Variants in STX12 observed in about 807,000 individuals in gnomAD.
STX12 encodes the protein syntaxin-12.
Under a neutral mutation model 42.2 loss-of-function variants are expected in STX12, and 17 were observed. That is an observed-to-expected ratio of 0.40 (90% CI 0.28 to 0.60). The LOEUF (loss-of-function observed/expected upper bound fraction) is 0.60, where lower values mean the gene tolerates loss of function less well. STX12 is among the 20% of genes least tolerant of loss of function. The probability of loss-of-function intolerance (pLI) is 0.39; values close to 1 mark genes in which losing one functional copy is unlikely to be tolerated. For synonymous variants in STX12, 108 were observed against 116.7 expected (o/e 0.93, Z 0.48); for missense variants, 297 against 330.9 (o/e 0.90, Z 0.79).
chr1:27,779,742 G>A (rs1174724886), intron 1 of STX12, among the ~76,000 whole-genome samples: 1 of 151,002 alleles, frequency 6.6e-6, no homozygotes, highest in Non-Finnish European at 1.5e-5. Flanking sequence ...TTTTCTTTAT[G>A]TTTCTCAACT....
At chr1:27,813,675 C>T (rs951545150) in intron 6 of STX12, among the ~76,000 whole-genome samples, 5 of 152,264 alleles carry the variant, frequency 3.3e-5, no homozygotes, top group African/African-American at 1.2e-4. Context: ...CCCCAGCTCT[C>T]ATCCACCACT....
chr1:27,800,498 T>C (rs1366866643), intron 3 of STX12, among the ~76,000 whole-genome samples: 3 of 128,918 alleles, frequency 2.3e-5, no homozygotes, highest in African/African-American at 7.4e-5. Context: ...GGTGTGTGTG[T>C]GTGTGTGTGT....
chr1:27,793,570 G>C lies in STX12; in HGVS notation c.226G>C (p.Glu76Gln). The C allele has an allele frequency of 1.2e-6, 2 of 1,614,096 alleles. No homozygotes were observed. The highest frequency in any genetic ancestry group is 2.2e-5 in the South Asian group (2 of 91,078). Residue 76 changes from glutamate to glutamine, a missense_variant, in exon 3 of 9, where the codon GAA (glutamate) becomes CAA (glutamine). Physicochemically the swap from Glu to Gln is conservative, Grantham distance 29. Coordinates refer to ENST00000373943, the MANE Select transcript of STX12 (RefSeq NM_177424.3). The part of the protein sequence containing the change: ...LQHSTNQLAK[E>Q]TNELLKELGS... ...ACACTCCACAAATCAGCTCGCCAAG[G>C]AAACAAATGAATTGCTGAAAGAATT...
At chr1:27,798,577 G>A (rs563659207) in intron 3 of STX12, among the ~76,000 whole-genome samples, 7 of 150,482 alleles carry the variant, frequency 4.7e-5, no homozygotes, top group Non-Finnish European at 8.9e-5. Context: ...CCCAGGAGGC[G>A]GAGGTTGCAG....
At chr1:27,796,419 TC>T (rs2088786078) in intron 3 of STX12, among the ~76,000 whole-genome samples, 1 of 152,178 alleles carries the variant, frequency 6.6e-6, no homozygotes, top group Non-Finnish European at 1.5e-5. Flanking sequence ...CACTCAGTTA[TC>T]CGGGCTGAGG....
intron 1 of STX12, among the ~76,000 whole-genome samples, chr1:27,775,749 C>CT (rs2088624587): frequency 6.6e-6 from 1 of 152,074 alleles, no homozygotes; most frequent in Non-Finnish European, 1.5e-5. Flanking sequence ...ATTGAGAAGG[C>CT]ATTATGGCAT....
At chr1:27,810,393 G>A in intron 5 of STX12, 104 bp downstream of exon 5, 1 of 1,056,900 alleles carries the variant, frequency 9.5e-7, no homozygotes, top group Non-Finnish European at 1.4e-6. Context: ...CAAAAATAAG[G>A]GGGCACCTGG....
At chr1:27,821,534 A>AT (rs1200766353) in intron 8 of STX12, among the ~76,000 whole-genome samples, 10 of 150,404 alleles carry the variant, frequency 6.6e-5, no homozygotes, top group East Asian at 3.9e-4. Context: ...TCTATGGGTG[A>AT]TTTTTTTTTC....
At chr1:27,815,547 CCT>C (rs1200561040) in intron 6 of STX12, among the ~76,000 whole-genome samples, 41 of 152,154 alleles carry the variant, frequency 2.7e-4, no homozygotes, top group Admixed American at 5.9e-4. Context: ...TCAGCCATTT[CCT>C]ATATAGTACT....
rs1400748165 is a variant in STX12, at chr1:27,812,036, T to C, written c.471-127T>C. 9.1e-6 allele frequency: 7 copies of C among 773,394 alleles called. No individual in the cohort carries two copies. The East Asian group carries it at 1.4e-4, about 15-fold the overall frequency. 47.9% of individuals were successfully genotyped at this position (773,394 alleles called of 1,614,324 possible). ...AAGAATGTGGCCCTCCAAGACTTTATTGATAGCAGAGGACTGGAGCCCTGG... is the reference window on the plus strand; with the variant it reads ...AAGAATGTGGCCCTCCAAGACTTTACTGATAGCAGAGGACTGGAGCCCTGG... On this transcript the variant is annotated intron_variant, in intron 5 of 8. Transcript: ENST00000373943.
In STX12 at chr1:27,789,572, A is replaced by G. The variant is rs1172412904; in HGVS notation, c.129A>G (p.Ile43Met). 2 of 1,613,432 alleles carry G rather than the reference A, an allele frequency of 1.2e-6. No homozygotes were observed. Among genetic ancestry groups the G allele is most frequent in the Non-Finnish European group, 1.7e-6 (2 of 1,179,656 alleles). The change falls in exon 2 of 9, where the codon ATA becomes ATG. Residue 43 changes from isoleucine (I) to methionine (M), a missense_variant. By Grantham distance (10) the Ile-to-Met change is conservative. Transcript: ENST00000373943. Reference protein sequence around the residue: ...IQRISQATAQIKNLMSQLGTK... With the variant: ...IQRISQATAQMKNLMSQLGTK... ...TTCCTATCTCCCCAGCTGCTCAGAT[A>G]AAGAATTTGATGAGCCAGCTAGGAA...
intron 1 of STX12, among the ~76,000 whole-genome samples, chr1:27,786,917 CAT>C (rs760405456): frequency 1.1e-4 from 16 of 152,248 alleles, no homozygotes; most frequent in Non-Finnish European, 2.1e-4. Context: ...GGACATACCA[CAT>C]GTTAGTGATG....
At chr1:27,803,828 C>T (rs2088841645) in intron 4 of STX12, among the ~76,000 whole-genome samples, 1 of 151,842 alleles carries the variant, frequency 6.6e-6, no homozygotes, top group Admixed American at 6.6e-5. Flanking sequence ...ATGGTGAAAC[C>T]CTGTCTCTAC....
chr1:27,801,134 C>CA (rs1273476021), intron 3 of STX12, among the ~76,000 whole-genome samples: 1 of 152,206 alleles, frequency 6.6e-6, no homozygotes, highest in Non-Finnish European at 1.5e-5. Flanking sequence ...CACAGTGACT[C>CA]ACGCCTGTAA....
intron 2 of STX12, among the ~76,000 whole-genome samples, chr1:27,793,070 G>T (rs1045067056): frequency 1.3e-5 from 2 of 152,204 alleles, no homozygotes; most frequent in African/African-American, 2.4e-5. Flanking sequence ...TTTGGAGGTT[G>T]TTCCCTAGGG....
At chr1:27,811,325 C>G (rs1402022751) in intron 5 of STX12, among the ~76,000 whole-genome samples, 2 of 117,150 alleles carry the variant, frequency 1.7e-5, no homozygotes, top group African/African-American at 6.8e-5. Flanking sequence ...AAAAAAAAAG[C>G]CAGGCATGGT....
rs940483401 is a variant in STX12, at chr1:27,789,138, A to T, written c.119-424A>T. Among the ~76,000 whole-genome samples the T allele has an allele frequency of 4.6e-5, 7 of 152,230 alleles. No homozygotes were observed. In the East Asian group the frequency reaches 1.3e-3, roughly 29 times the overall value. ...CACTTAGAGGTGCTCAATTGGTGGT[A>T]ACCCATTATTAGTAATAAGTATACA... On this transcript the variant is annotated intron_variant, in intron 1 of 8. Transcript: ENST00000373943.
intron 3 of STX12, 48 bp downstream of exon 3, chr1:27,793,680 G>A: frequency 6.6e-7 from 1 of 1,504,252 alleles, no homozygotes; most frequent in Non-Finnish European, 9.2e-7. Context: ...CTTTGTGTTA[G>A]TAGAAAGGCA....
intron 1 of STX12, 50 bp from the exon 2 acceptor site, chr1:27,789,512 G>A: frequency 7.0e-7 from 1 of 1,426,770 alleles, no homozygotes; most frequent in Non-Finnish European, 9.7e-7. Flanking sequence ...GGGTACTCAT[G>A]ATGAATGTAT....
Sources: gnomAD v4.1 joint callset for allele counts (sites outside exome capture counted in the v4.1 genomes callset) on GRCh38, gnomAD v4.1.1 for gene constraint, MANE v1.5 for transcripts, NCBI Gene and HGNC (gene_info 2026-07-23, HGNC 2026-07-21) for gene names.